Variants in PDSS2 observed in about 807,000 individuals in gnomAD.
The protein encoded by PDSS2 is all trans-polyprenyl-diphosphate synthase PDSS2.
PDSS2 carries 31 observed loss-of-function variants against 44.5 expected under a neutral mutation model. The observed-to-expected ratio is 0.70, with a 90% confidence interval of 0.52 to 0.94. PDSS2 has a LOEUF of 0.94. PDSS2 is among the 40% of genes least tolerant of loss of function. The pLI is 0.00. For synonymous variants in PDSS2, 157 were observed against 180.3 expected, an observed-to-expected ratio of 0.87 and a Z score of 1.03; for missense variants, 452 against 482.2, an observed-to-expected ratio of 0.94 and a Z score of 0.59.
chr6:107,409,232 T>C (rs1472931937), intron 1 of PDSS2, among the ~76,000 whole-genome samples: 1 of 152,184 alleles, frequency 6.6e-6, no homozygotes, highest in African/African-American at 2.4e-5. Flanking sequence ...ACCTGTTCCC[T>C]ATGCCATGAC....
At chr6:107,428,360 CATG>C (rs1661785181) in intron 1 of PDSS2, among the ~76,000 whole-genome samples, 2 of 152,166 alleles carry the variant, frequency 1.3e-5, no homozygotes, top group South Asian at 2.1e-4. Flanking sequence ...TATCTTCAAC[CATG>C]ATGTTCTATG....
chr6:107,281,498 T>G (rs1001230238), intron 2 of PDSS2, among the ~76,000 whole-genome samples: 1 of 152,188 alleles, frequency 6.6e-6, no homozygotes, highest in African/African-American at 2.4e-5. Context: ...TGCACTCTGG[T>G]TTTATTCACC....
At chr6:107,327,623 A>AT (rs1777589227) in intron 2 of PDSS2, among the ~76,000 whole-genome samples, 1 of 151,906 alleles carries the variant, frequency 6.6e-6, no homozygotes, top group South Asian at 2.1e-4. Flanking sequence ...TGCCCAGCTA[A>AT]TTTTTTTGTA....
At chr6:107,343,971 A>G (rs995140046) in intron 1 of PDSS2, among the ~76,000 whole-genome samples, 2 of 152,332 alleles carry the variant, frequency 1.3e-5, no homozygotes, top group South Asian at 2.1e-4. Flanking sequence ...AAGACTGGAG[A>G]AAAAAACACT....
Position 107,388,437 on chromosome 6 carries a change from G to A in PDSS2, c.297-54105C>T, listed in dbSNP as rs984427921. Among the ~76,000 whole-genome samples, 9 of 150,922 alleles carry A rather than the reference G, an allele frequency of 6.0e-5. No homozygotes were observed. The South Asian group carries it at 1.7e-3, about 28-fold the overall frequency. Reference sequence around the variant, plus strand: ...TGAAAACTTACGTTCATGTAAAAATGTGCATGTGAATTTTTTTTTTTTTTT... The same window carrying A: ...TGAAAACTTACGTTCATGTAAAAATATGCATGTGAATTTTTTTTTTTTTTT... On this transcript the variant is annotated intron_variant, in intron 1 of 7. Coordinates refer to ENST00000369037, the MANE Select transcript of PDSS2 (RefSeq NM_020381.4).
chr6:107,332,437 C>A (rs947513000), intron 2 of PDSS2, among the ~76,000 whole-genome samples: 4 of 152,064 alleles, frequency 2.6e-5, no homozygotes. Context: ...CTAACTCAAG[C>A]AGGTTTTGGG....
At chr6:107,226,614 C>T (rs369209095) in intron 4 of PDSS2, among the ~76,000 whole-genome samples, 2 of 150,550 alleles carry the variant, frequency 1.3e-5, no homozygotes, top group East Asian at 3.9e-4. Flanking sequence ...GCTGGAGGGA[C>T]AGACTGAGGT....
intron 1 of PDSS2, among the ~76,000 whole-genome samples, chr6:107,364,699 A>C (rs1190988143): frequency 6.6e-6 from 1 of 152,016 alleles, no homozygotes; most frequent in Admixed American, 6.6e-5. Flanking sequence ...CCCACAGTGC[A>C]GTGGGGGGGC....
chr6:107,458,852 T>C lies in PDSS2; in HGVS notation c.296+138A>G, dbSNP rs1234742829. ...TAGAGAAGAGACAACACGGAATGTC[T>C]AGGAGGAGTGAGTAAAAAGGAAGGA... is the stretch of plus-strand genomic sequence containing the variant. On this transcript the variant is annotated intron_variant, in intron 1 of 7. Transcript: ENST00000369037. 3 of 739,334 alleles carry C rather than the reference T, an allele frequency of 4.1e-6. No individual in the cohort carries two copies. The East Asian group carries it at 8.1e-5, about 20-fold the overall frequency. The allele number at this position is 739,334 out of a possible 1,614,324, so 45.8% of individuals were successfully genotyped here. A position where few individuals can be genotyped will look rare whatever the true frequency, so the allele number is the denominator to read the frequency against.
intron 1 of PDSS2, among the ~76,000 whole-genome samples, chr6:107,393,531 T>C (rs1249813732): frequency 6.6e-6 from 1 of 152,186 alleles, no homozygotes; most frequent in Non-Finnish European, 1.5e-5. Context: ...TGGTTCATAG[T>C]GCTGTTCAGT....
intron 1 of PDSS2, among the ~76,000 whole-genome samples, chr6:107,427,134 TGA>T (rs1781030937): frequency 6.6e-6 from 1 of 152,284 alleles, no homozygotes; most frequent in African/African-American, 2.4e-5. Context: ...AGGAACCCAA[TGA>T]GAGGTGATTG....
intron 6 of PDSS2, among the ~76,000 whole-genome samples, chr6:107,194,127 T>C (rs531447405): frequency 2.6e-5 from 4 of 152,326 alleles, no homozygotes; most frequent in African/African-American, 9.6e-5. Flanking sequence ...GCATGTATCT[T>C]ATACATATAC....
chr6:107,368,878 C>T (rs1227745675), intron 1 of PDSS2, among the ~76,000 whole-genome samples: 1 of 152,048 alleles, frequency 6.6e-6, no homozygotes, highest in Non-Finnish European at 1.5e-5. Context: ...ACCTTGAAAA[C>T]AAAGAACAAA....
chr6:107,173,399 C>A (rs1474837099), intron 7 of PDSS2, among the ~76,000 whole-genome samples: 1 of 151,240 alleles, frequency 6.6e-6, no homozygotes, highest in African/African-American at 2.4e-5. Context: ...CATGGTGAAA[C>A]CCTGTCTCTA....
At chr6:107,357,497 TA>T (rs35425057) in intron 1 of PDSS2, among the ~76,000 whole-genome samples, 1 of 151,480 alleles carries the variant, frequency 6.6e-6, no homozygotes, top group Non-Finnish European at 1.5e-5. Flanking sequence ...TATTTGAATG[TA>T]AAAAAAAATT....
At chr6:107,154,844 T>TG in intron 7 of PDSS2, 67 bp from the exon 8 acceptor site, 1 of 1,373,686 alleles carries the variant, frequency 7.3e-7, no homozygotes. Flanking sequence ...ACAATTAAAT[T>TG]GGGGAGGGGA....
At chr6:107,190,384 C>G (rs1352238563) in intron 7 of PDSS2, among the ~76,000 whole-genome samples, 1 of 152,148 alleles carries the variant, frequency 6.6e-6, no homozygotes, top group East Asian at 1.9e-4. Context: ...TATTTTCTTA[C>G]TCATGGCCTC....
At chr6:107,368,504 T>C (rs539826891) in intron 1 of PDSS2, among the ~76,000 whole-genome samples, 112 of 152,256 alleles carry the variant, frequency 7.4e-4, no homozygotes, top group Non-Finnish European at 1.4e-3. Flanking sequence ...TTCTCCACAA[T>C]TGATATATAA....
chr6:107,450,298 G>C (rs908234940), intron 1 of PDSS2, among the ~76,000 whole-genome samples: 1 of 152,096 alleles, frequency 6.6e-6, no homozygotes, highest in African/African-American at 2.4e-5. Context: ...AATTAAAACA[G>C]TATAACAAAC....
Sources: allele counts gnomAD v4.1 joint callset (sites outside exome capture counted in the v4.1 genomes callset), GRCh38; gene constraint gnomAD v4.1.1; transcripts MANE v1.5; gene names NCBI Gene and HGNC (gene_info 2026-07-23, HGNC 2026-07-21).